Variants in PCDHGA7 observed in about 807,000 individuals in gnomAD.
The protein encoded by PCDHGA7 is protocadherin gamma subfamily A, 7.
A neutral mutation model predicts 58.3 loss-of-function variants in PCDHGA7; 44 were observed. That is an observed-to-expected ratio of 0.75 (90% CI 0.59 to 0.97). The LOEUF is 0.97. Among genes scored for constraint, PCDHGA7 ranks in the 50% least tolerant of loss-of-function variants. The pLI is 0.00. For synonymous variants in PCDHGA7, 516 were observed against 504.2 expected (o/e 1.02, Z -0.31); for missense variants, 1,266 against 1,188.7 (o/e 1.06, Z -0.96).
intron 1 of PCDHGA7, among the ~76,000 whole-genome samples, chr5:141,460,672 TATATCTATATA>T (rs2098995194): frequency 6.6e-6 from 1 of 152,086 alleles, no homozygotes; most frequent in Admixed American, 6.6e-5. Flanking sequence ...AACACAGTTA[TATATCTATATA>T]TCCACCAACA....
At chr5:141,393,203 C>A in intron 1 of PCDHGA7, 1 of 1,613,514 alleles carries the variant, frequency 6.2e-7, no homozygotes, top group South Asian at 1.1e-5. Context: ...ACGATAATAA[C>A]CCAAAATTCC....
At position 141,431,123 on chromosome 5, in the gene PCDHGA7, GAAGT is replaced by G. The variant is rs751548736; in HGVS notation, c.2424+45804_2424+45807del. The G allele has an allele frequency of 1.2e-6, 2 of 1,614,100 alleles. No individual in the cohort carries two copies. The highest frequency in any genetic ancestry group is 3.3e-5 in the Admixed American group (2 of 60,014). On this transcript the variant is annotated intron_variant, in intron 1 of 3. Transcript: ENST00000518325. This position sits in a 1 kb window ranked among gnomAD's most constrained non-coding sequence, Gnocchi z 4.8. ...AGTGAAAATATATGGAGTAGAAGTA[GAAGT>G]AAGGGACATTAACGACAATGCGCCT... is the stretch of plus-strand genomic sequence containing the variant.
intron 1 of PCDHGA7, among the ~76,000 whole-genome samples, chr5:141,466,246 A>G (rs1357175003): frequency 6.6e-6 from 1 of 152,100 alleles, no homozygotes; most frequent in Non-Finnish European, 1.5e-5. Flanking sequence ...TCATGGCTCA[A>G]TGCAGCCTTG....
chr5:141,500,501 G>T (rs571735791), intron 2 of PCDHGA7, among the ~76,000 whole-genome samples: 6 of 152,176 alleles, frequency 3.9e-5, no homozygotes, highest in Non-Finnish European at 8.8e-5. Context: ...GAGCCACCGC[G>T]CCTGGCCGAG....
At chr5:141,510,518 G>A (rs904482737) in intron 3 of PCDHGA7, among the ~76,000 whole-genome samples, 9 of 152,112 alleles carry the variant, frequency 5.9e-5, no homozygotes, top group Non-Finnish European at 1.0e-4. Flanking sequence ...CCGTGTCACA[G>A]CCCTGAGAGA....
chr5:141,392,683 G>A, intron 1 of PCDHGA7: 1 of 1,058,682 alleles, frequency 9.4e-7, no homozygotes. Context: ...GGACTGCAGC[G>A]AAACCCGACC....
In PCDHGA7 at chr5:141,490,390, G is replaced by C. The variant is rs2099699651; in HGVS notation, c.2425-4417G>C. The C allele has an allele frequency of 6.2e-7, 1 of 1,614,074 alleles. No individual in the cohort carries two copies. The highest frequency in any genetic ancestry group is 8.5e-7 in the Non-Finnish European group (1 of 1,180,040). On this transcript the variant is annotated intron_variant, in intron 1 of 3. Coordinates refer to ENST00000518325, the MANE Select transcript of PCDHGA7 (RefSeq NM_018920.4). This position sits in a 1 kb window ranked among gnomAD's most constrained non-coding sequence, Gnocchi z 5.4. ...AGACCGGGACTCAGGTAGAAATGGT[G>C]AAGTGAGCCTTGATATCTCTCCGGA... is the stretch of plus-strand genomic sequence containing the variant.
chr5:141,431,673 G>A lies in PCDHGA7; in HGVS notation c.2424+46350G>A. On this transcript the variant is annotated intron_variant, in intron 1 of 3. Coordinates refer to ENST00000518325, the MANE Select transcript of PCDHGA7 (RefSeq NM_018920.4). The surrounding 1 kb of genome is among the most constrained non-coding windows in gnomAD (Gnocchi z 4.8). ...AATTCAGGGACAATATCAACAATAG[G>A]GGAGTTGGACCACGAGGAGTCAGGA... 1 of 1,614,214 alleles carries A rather than the reference G, an allele frequency of 6.2e-7. No homozygotes were observed. The highest frequency in any genetic ancestry group is 8.5e-7 in the Non-Finnish European group (1 of 1,180,044).
chr5:141,430,577 C>A, intron 1 of PCDHGA7: 1 of 464,652 alleles, frequency 2.2e-6, no homozygotes. Context: ...AAGCGGAGAT[C>A]CTGCTCGCCT....
intron 1 of PCDHGA7, among the ~76,000 whole-genome samples, chr5:141,460,709 A>G (rs2098995845): frequency 6.6e-6 from 1 of 151,794 alleles, no homozygotes; most frequent in Non-Finnish European, 1.5e-5. Flanking sequence ...ATGAGAATAA[A>G]CTATTGTTAT....
intron 1 of PCDHGA7, chr5:141,414,478 C>T (rs977591382): frequency 5.6e-6 from 9 of 1,613,884 alleles, no homozygotes; most frequent in Non-Finnish European, 3.4e-6. Flanking sequence ...GGGAAGTCCT[C>T]CTCTATCAAC....
At chr5:141,404,022 G>C (rs2094476462) in intron 1 of PCDHGA7, 1 of 1,613,754 alleles carries the variant, frequency 6.2e-7, no homozygotes, top group Admixed American at 1.7e-5. Context: ...AGCCCAGTGA[G>C]AGAAGACGCA....
intron 1 of PCDHGA7, chr5:141,417,697 C>T: frequency 8.8e-7 from 1 of 1,140,966 alleles, no homozygotes; most frequent in Non-Finnish European, 1.2e-6. Context: ...AAAACCAGCT[C>T]CCACACAGAG....
At chr5:141,500,260 C>G (rs2099798502) in intron 2 of PCDHGA7, among the ~76,000 whole-genome samples, 3 of 151,104 alleles carry the variant, frequency 2.0e-5, no homozygotes, top group African/African-American at 2.4e-5. Flanking sequence ...CCAGGCTGGA[C>G]TGCAGTGGCG....
chr5:141,433,352 T>C (rs976015031), intron 1 of PCDHGA7: 16 of 614,162 alleles, frequency 2.6e-5, no homozygotes, highest in Non-Finnish European at 3.7e-5. Flanking sequence ...AGCCACCTAC[T>C]GTCTGCCTAT....
At chr5:141,492,962 C>A (rs1197532146) in intron 1 of PCDHGA7, among the ~76,000 whole-genome samples, 2 of 152,258 alleles carry the variant, frequency 1.3e-5, no homozygotes, top group African/African-American at 2.4e-5. Flanking sequence ...CTATCTGACA[C>A]TCTAACAAGT....
chr5:141,393,023 T>G (rs372159245), intron 1 of PCDHGA7: 22 of 1,613,668 alleles, frequency 1.4e-5, no homozygotes, highest in Non-Finnish European at 1.7e-5. Flanking sequence ...TCTCCAGAGG[T>G]AGGACGCAGC....
chr5:141,398,931 C>T, intron 1 of PCDHGA7: 2 of 1,613,956 alleles, frequency 1.2e-6, no homozygotes, highest in East Asian at 4.5e-5. Context: ...CAGCCACTGA[C>T]CAAGACGAGG....
chr5:141,508,647 C>T (rs1301017914), intron 3 of PCDHGA7, among the ~76,000 whole-genome samples: 4 of 152,090 alleles, frequency 2.6e-5, no homozygotes, highest in African/African-American at 9.7e-5. Flanking sequence ...CTCCGTCAGG[C>T]CCTTCCTGTC....
Sources: gnomAD v4.1 joint callset for allele counts (sites outside exome capture counted in the v4.1 genomes callset) on GRCh38, gnomAD v4.1.1 for gene constraint, Gnocchi (gnomAD v3.1) non-coding constraint, MANE v1.5 for transcripts, NCBI Gene and HGNC (gene_info 2026-07-23, HGNC 2026-07-21) for gene names.